GAS6: variants seen among roughly 807,000 people sequenced by gnomAD.
GAS6 encodes the protein growth arrest specific 6, also known as growth arrest-specific protein 6.
GAS6 carries 41 observed loss-of-function variants against 75.8 expected under a neutral mutation model. That is an observed-to-expected ratio of 0.54 (90% CI 0.42 to 0.70). The LOEUF is 0.70. Ranked by LOEUF, GAS6 falls within the 30% of genes least tolerant of loss-of-function variation. The pLI is 0.00. For missense variants in GAS6, 854 were observed against 940.2 expected, an observed-to-expected ratio of 0.91 and a Z score of 1.20; for synonymous variants, 432 against 412.6, an observed-to-expected ratio of 1.05 and a Z score of -0.57.
chr13:113,827,535 C>T (rs948431283), intron 11 of GAS6, among the ~76,000 whole-genome samples: 11 of 144,160 alleles, frequency 7.6e-5, no homozygotes, highest in African/African-American at 2.3e-4. Flanking sequence ...ATCTGTGAAA[C>T]GAGGAGGGTC....
At position 113,820,887 on chromosome 13, in the gene GAS6, G is replaced by A. The variant is rs41307844; in HGVS notation, c.2014C>T (p.Pro672Ser). The A allele has an allele frequency of 2.2e-5, 35 of 1,611,190 alleles. 1 individual carries two copies. Among genetic ancestry groups the A allele is most frequent in the Admixed American group, 5.0e-5 (3 of 59,986 alleles). Residue 672 changes from proline to serine, a missense_variant, in exon 15 of 15, where the codon CCC becomes TCC. Physicochemically the swap from Pro to Ser is moderately conservative, Grantham distance 74. Transcript: ENST00000327773. ...GCCTAGGCTGCGGCGGGCTCCACGG[G>A]GGGGCAGGAGTGGGCCGTGATGTCG... ...HSDITAHSCPPVEPAAA is the reference protein window; with the variant it reads ...HSDITAHSCPSVEPAAA
chr13:113,855,255 C>G (rs2051905335), intron 2 of GAS6, among the ~76,000 whole-genome samples: 1 of 152,132 alleles, frequency 6.6e-6, no homozygotes, highest in African/African-American at 2.4e-5. Context: ...AGGTGTCAAT[C>G]CCCCCAAGAA....
chr13:113,852,148 T>C (rs2051881097), intron 2 of GAS6, among the ~76,000 whole-genome samples: 1 of 152,364 alleles, frequency 6.6e-6, no homozygotes, highest in South Asian at 2.1e-4. Flanking sequence ...CAGCCCAACA[T>C]AAATTCGTAA....
At chr13:113,858,335 ATGAC>A (rs1238950234) in intron 2 of GAS6, among the ~76,000 whole-genome samples, 3 of 151,994 alleles carry the variant, frequency 2.0e-5, no homozygotes, top group Admixed American at 2.0e-4. Flanking sequence ...CTGTCAGTGT[ATGAC>A]TGTGTACGTA....
rs768798824 is a variant in GAS6 at position 113,827,201 on chromosome 13, G to A, written c.1309-37C>T. Reference sequence around the variant, plus strand: ...GAGAAATCTCCGTGGCTTCCTGGGAGCGAGAAGCCCCATGCCGGATGCCCC... The same window carrying A: ...GAGAAATCTCCGTGGCTTCCTGGGAACGAGAAGCCCCATGCCGGATGCCCC... On this transcript the variant is annotated intron_variant, in intron 11 of 14. Transcript: ENST00000327773. 1.9e-6 allele frequency: 3 copies of A among 1,602,494 alleles called. No individual in the cohort carries two copies. The Admixed American group carries it at 5.0e-5, about 27-fold the overall frequency.
In GAS6 at chr13:113,848,343, A is replaced by G. The variant is rs1047995402; in HGVS notation, c.256-293T>C. Among the ~76,000 whole-genome samples, 1 of 152,208 alleles carries G rather than the reference A, an allele frequency of 6.6e-6. No homozygotes were observed. Among genetic ancestry groups the G allele is most frequent in the Non-Finnish European group, 1.5e-5 (1 of 68,036 alleles). The stretch of plus-strand genomic sequence containing the variant: ...ACCCCACTCTTAGTTCCCTGTTGAC[A>G]TAAGGGTCTCTAAAACCCAAAGACC... On this transcript the variant is annotated intron_variant, in intron 2 of 14. Transcript: ENST00000327773. The surrounding 1 kb of genome is among the most constrained non-coding windows in gnomAD (Gnocchi z 4.8).
At position 113,837,387 on chromosome 13, in the gene GAS6, G is replaced by A. The variant is rs148812695; in HGVS notation, c.589+682C>T. Among the ~76,000 whole-genome samples the A allele has an allele frequency of 2.3e-3, 347 of 152,236 alleles. 2 individuals carry two copies. The highest frequency in any genetic ancestry group is 7.8e-3 in the African/African-American group (326 of 41,536). The stretch of plus-strand genomic sequence containing the variant: ...CGCAGTTCGGTGTCCTGGACAGTCA[G>A]CAGCAGCGCTAAGAACTATGCCAGA... On this transcript the variant is annotated intron_variant, in intron 6 of 14. Coordinates refer to ENST00000327773, the MANE Select transcript of GAS6 (RefSeq NM_000820.4). The surrounding 1 kb of genome is among the most constrained non-coding windows in gnomAD (Gnocchi z 5.1).
At position 113,820,901 on chromosome 13, in the gene GAS6, G is replaced by A. The variant is rs1292129147; in HGVS notation, c.2000C>T (p.Ala667Val). ...GGGCTCCACGGGGGGGCAGGAGTGG[G>A]CCGTGATGTCGCTGTGCTTGTACGC... Reference protein sequence around the residue: ...EAAYKHSDITAHSCPPVEPAA... With the variant: ...EAAYKHSDITVHSCPPVEPAA... Residue 667 changes from alanine to valine, a missense_variant, in exon 15 of 15, where the codon GCC becomes GTC. Transcript: ENST00000327773. The A allele has an allele frequency of 1.2e-6, 2 of 1,611,874 alleles. No homozygotes were observed. The highest frequency in any genetic ancestry group is 1.1e-5 in the South Asian group (1 of 91,054).
chr13:113,832,896 G>C (rs1471297699), intron 8 of GAS6, 144 bp from the exon 9 acceptor site: 1 of 1,536,622 alleles, frequency 6.5e-7, no homozygotes. Context: ...TGAGACCCCA[G>C]AGGCTGTCAC....
chr13:113,823,966 TAGC>T (rs2051496140), intron 12 of GAS6, among the ~76,000 whole-genome samples: 1 of 152,310 alleles, frequency 6.6e-6, no homozygotes, highest in South Asian at 2.1e-4. Context: ...AGCTTTCAGG[TAGC>T]AGCACAGGGC....
intron 12 of GAS6, among the ~76,000 whole-genome samples, chr13:113,823,962 C>T (rs2051496090): frequency 6.6e-6 from 1 of 152,248 alleles, no homozygotes; most frequent in South Asian, 2.1e-4. Context: ...CTGCAGCTTT[C>T]AGGTAGCAGC....
intron 5 of GAS6, chr13:113,839,395 T>C (rs2051751425): frequency 4.1e-6 from 1 of 243,000 alleles, no homozygotes; most frequent in Non-Finnish European, 7.6e-6. Context: ...AGAGGTGAAA[T>C]TTCCCCCCCG....
rs1454434300 is a variant in GAS6 at position 113,832,675 on chromosome 13, G to A, written c.912C>T (p.Thr304=). The stretch of plus-strand genomic sequence containing the variant: ...TCTTGAAGCGCAGTCGGATCACGGG[G>A]GTCCCACTGAACATCCGGCCCAGGT... ...SLYLGRMFSG[T]PVIRLRFKRL... is the part of the protein sequence containing the mutation. Residue 304 remains threonine, a synonymous_variant, in exon 9 of 15, where the codon ACC becomes ACT. Coordinates refer to ENST00000327773, the MANE Select transcript of GAS6 (RefSeq NM_000820.4). 13 of 1,612,668 alleles carry A rather than the reference G, an allele frequency of 8.1e-6. No individual in the cohort carries two copies. The highest frequency in any genetic ancestry group is 8.5e-6 in the Non-Finnish European group (10 of 1,179,984).
At chr13:113,838,034 G>C (rs542200125) in intron 6 of GAS6, 35 bp downstream of exon 6, 1 of 1,608,812 alleles carries the variant, frequency 6.2e-7, no homozygotes, top group South Asian at 1.1e-5. Flanking sequence ...GGTGGGGAGA[G>C]GAGAGAGGAG....
At chr13:113,842,498 C>A in intron 4 of GAS6, 1 of 396,166 alleles carries the variant, frequency 2.5e-6, no homozygotes, top group Non-Finnish European at 4.4e-6. Context: ...CCGGCTGTAC[C>A]TGGGTGCTGT....
intron 2 of GAS6, among the ~76,000 whole-genome samples, chr13:113,860,229 G>GC (rs2051960692): frequency 6.6e-6 from 1 of 152,212 alleles, no homozygotes; most frequent in South Asian, 2.1e-4. Flanking sequence ...TCGTGCAGGT[G>GC]CGGGTACAGG....
rs756499123 is a variant in GAS6, at chr13:113,863,748, G to A, written c.89-7C>T. ...CGCGCCGGCAACAGCGCGGCTGCCC[G>A]GAGGGAGAGAGGGGGACGCGTCAAG... On this transcript the variant is annotated splice_polypyrimidine_tract_variant and splice_region_variant and intron_variant, in intron 1 of 14. Coordinates refer to ENST00000327773, the MANE Select transcript of GAS6 (RefSeq NM_000820.4). This position sits in a 1 kb window ranked among gnomAD's most constrained non-coding sequence, Gnocchi z 9.4. 12 of 1,487,190 alleles carry A rather than the reference G, an allele frequency of 8.1e-6. No homozygotes were observed. Among genetic ancestry groups the A allele is most frequent in the African/African-American group, 2.9e-5 (2 of 68,378 alleles). 92.1% of individuals were successfully genotyped at this position (1,487,190 alleles called of 1,614,324 possible). A position where few individuals can be genotyped will look rare whatever the true frequency, so the allele number is the denominator to read the frequency against.
At chr13:113,830,053 C>T (rs2051611047) in intron 10 of GAS6, among the ~76,000 whole-genome samples, 1 of 152,258 alleles carries the variant, frequency 6.6e-6, no homozygotes, top group Admixed American at 6.5e-5. Flanking sequence ...GGAGGGCCCT[C>T]GATGCATCAA....
intron 2 of GAS6, among the ~76,000 whole-genome samples, chr13:113,860,882 G>A (rs1039560710): frequency 5.3e-5 from 8 of 152,198 alleles, no homozygotes; most frequent in African/African-American, 1.9e-4. Flanking sequence ...GTATCCGCCT[G>A]CTGGAAGGTG....
Sources: gnomAD v4.1 joint callset for allele counts (sites outside exome capture counted in the v4.1 genomes callset) on GRCh38, gnomAD v4.1.1 for gene constraint, Gnocchi (gnomAD v3.1) non-coding constraint, MANE v1.5 for transcripts, NCBI Gene and HGNC (gene_info 2026-07-23, HGNC 2026-07-21) for gene names.